MACROD2: variants seen among roughly 807,000 people sequenced by gnomAD.
MACROD2 encodes ADP-ribose glycohydrolase MACROD2.
A neutral mutation model predicts 70.4 loss-of-function variants in MACROD2; 36 were observed. That is an observed-to-expected ratio of 0.51 (90% confidence interval 0.39 to 0.68). The LOEUF (loss-of-function observed/expected upper bound fraction) is 0.68. Ranked by LOEUF, MACROD2 falls within the 30% of genes least tolerant of loss-of-function variation. The pLI is 0.00. For synonymous variants in MACROD2, 172 were observed against 178.8 expected (o/e 0.96, Z 0.30); for missense variants, 496 against 538.4 (o/e 0.92, Z 0.78).
At chr20:15,330,601 C>A (rs1328835470) in intron 6 of MACROD2, among the ~76,000 whole-genome samples, 2 of 151,526 alleles carry the variant, frequency 1.3e-5, no homozygotes, top group Non-Finnish European at 2.9e-5. Context: ...TTTCTAGTAA[C>A]CCAAACTGAT....
chr20:14,751,043 C>T lies in MACROD2; in HGVS notation c.418+66084C>T, dbSNP rs566926632. 4.3e-4 allele frequency among the ~76,000 whole-genome samples: 65 copies of T among 152,130 alleles called. 1 individual carries two copies. Among genetic ancestry groups the T allele is most frequent in the African/African-American group, 1.4e-3 (57 of 41,458 alleles). ...TCTTATATTATTATAGATCTTATAT[C>T]GCTTATATAACTAAAGAGTACATTC... On this transcript the variant is annotated intron_variant, in intron 5 of 17. Coordinates refer to ENST00000684519, the MANE Select transcript of MACROD2 (RefSeq NM_001351661.2).
Position 15,243,711 on chromosome 20 carries a change from C to T in MACROD2, c.540+13650C>T, listed in dbSNP as rs377668992. Among the ~76,000 whole-genome samples the T allele has an allele frequency of 1.4e-4, 21 of 151,722 alleles. No homozygotes were observed. In the East Asian group the frequency reaches 2.1e-3, roughly 15 times the overall value. ...CGGGCAAATCACGAGGTCAGGAGAT[C>T]GAGACCATCCTGGCTAACACGGTGA... On this transcript the variant is annotated intron_variant, in intron 6 of 17. Coordinates refer to ENST00000684519, the MANE Select transcript of MACROD2 (RefSeq NM_001351661.2).
chr20:14,346,531 T>C (rs2083066037), intron 3 of MACROD2, among the ~76,000 whole-genome samples: 1 of 152,246 alleles, frequency 6.6e-6, no homozygotes, highest in African/African-American at 2.4e-5. Flanking sequence ...TTATGTGTAT[T>C]CTAACAAAAA....
At chr20:14,571,147 C>T (rs1362956813) in intron 4 of MACROD2, among the ~76,000 whole-genome samples, 1 of 152,018 alleles carries the variant, frequency 6.6e-6, no homozygotes. Flanking sequence ...CAGATGTACA[C>T]CTTGAGAAAG....
chr20:15,134,194 C>T (rs1240420788), intron 5 of MACROD2, among the ~76,000 whole-genome samples: 6 of 147,342 alleles, frequency 4.1e-5, no homozygotes, highest in East Asian at 2.1e-4. Context: ...CGTGAGCCAC[C>T]GTGCCCGGCT....
intron 3 of MACROD2, among the ~76,000 whole-genome samples, chr20:14,449,990 G>A (rs1018431908): frequency 6.6e-6 from 1 of 152,046 alleles, no homozygotes; most frequent in African/African-American, 2.4e-5. Flanking sequence ...AGAAGCCCTG[G>A]AAAGACTGAA....
chr20:14,411,751 G>A (rs1003123494), intron 3 of MACROD2, among the ~76,000 whole-genome samples: 5 of 151,962 alleles, frequency 3.3e-5, no homozygotes, highest in African/African-American at 9.7e-5. Context: ...CCCCCTACCA[G>A]CACCTCCCTG....
intron 15 of MACROD2, among the ~76,000 whole-genome samples, chr20:16,008,813 G>A (rs966157068): frequency 1.5e-4 from 23 of 152,160 alleles, no homozygotes; most frequent in African/African-American, 5.3e-4. Context: ...AGAAACCTAA[G>A]AACTACAGGA....
intron 6 of MACROD2, among the ~76,000 whole-genome samples, chr20:15,337,963 C>T (rs1025412860): frequency 5.3e-5 from 8 of 151,716 alleles, no homozygotes; most frequent in African/African-American, 9.7e-5. Flanking sequence ...TTACATTTCA[C>T]GTTAGCCTTT....
intron 2 of MACROD2, among the ~76,000 whole-genome samples, chr20:14,025,002 G>A (rs2053141495): frequency 1.3e-5 from 2 of 151,960 alleles, no homozygotes; most frequent in Non-Finnish European, 2.9e-5. Flanking sequence ...TCTGGTCCTG[G>A]GCTTTTTTTG....
At chr20:14,663,007 A>G (rs1986299615) in intron 4 of MACROD2, among the ~76,000 whole-genome samples, 1 of 152,070 alleles carries the variant, frequency 6.6e-6, no homozygotes. Context: ...AATATAAATC[A>G]TTCTTTTATG....
chr20:15,596,923 G>A (rs1400116490), intron 8 of MACROD2, among the ~76,000 whole-genome samples: 1 of 152,206 alleles, frequency 6.6e-6, no homozygotes, highest in Non-Finnish European at 1.5e-5. Context: ...TTAATAGGAT[G>A]TTAAAATGTG....
Position 14,487,859 on chromosome 20 carries a change from T to C in MACROD2, c.272-5620T>C, listed in dbSNP as rs116701614. Among the ~76,000 whole-genome samples, 945 of 152,286 alleles carry C rather than the reference T, an allele frequency of 6.2e-3. 18 individuals are homozygous for C. The highest frequency in any genetic ancestry group is 0.021 in the African/African-American group (889 of 41,572). ...TTATTTTTTGGCCTATTTGTTTAAATAAAAGTGTAATATAAAAATTGTAAT... is the reference window on the plus strand; with the variant it reads ...TTATTTTTTGGCCTATTTGTTTAAACAAAAGTGTAATATAAAAATTGTAAT... On this transcript the variant is annotated intron_variant, in intron 3 of 17. Coordinates refer to ENST00000684519, the MANE Select transcript of MACROD2 (RefSeq NM_001351661.2).
intron 15 of MACROD2, among the ~76,000 whole-genome samples, chr20:16,026,010 G>T (rs1391254243): frequency 1.3e-5 from 2 of 151,452 alleles, no homozygotes; most frequent in African/African-American, 4.8e-5. Context: ...AAAATTAGCT[G>T]GGCGTGGTGG....
chr20:15,341,246 A>G (rs1351286470), intron 6 of MACROD2, among the ~76,000 whole-genome samples: 1 of 152,208 alleles, frequency 6.6e-6, no homozygotes, highest in Non-Finnish European at 1.5e-5. Flanking sequence ...TGCTCTTTGT[A>G]ACTTTTTTTT....
At chr20:15,848,858 C>G (rs2064264819) in intron 8 of MACROD2, among the ~76,000 whole-genome samples, 1 of 152,136 alleles carries the variant, frequency 6.6e-6, no homozygotes, top group African/African-American at 2.4e-5. Context: ...GACCTTTTCT[C>G]ATATCCTCCA....
chr20:14,807,762 A>T (rs200498874), intron 5 of MACROD2, among the ~76,000 whole-genome samples: 1 of 152,124 alleles, frequency 6.6e-6, no homozygotes, highest in Non-Finnish European at 1.5e-5. Context: ...CCTGATGGAG[A>T]TGAAAAACAC....
rs143677503 is a variant in MACROD2 at position 15,615,773 on chromosome 20, G to A, written c.645+115926G>A. ...TCCCTGCCACTGCCAGATGACAGTT[G>A]CAAAATTAGAAATCGGACTCGGGGA... On this transcript the variant is annotated intron_variant, in intron 8 of 17. Transcript: ENST00000684519. Among the ~76,000 whole-genome samples, 458 of 152,248 alleles carry A rather than the reference G, an allele frequency of 3.0e-3. 4 individuals are homozygous for A. Among genetic ancestry groups the A allele is most frequent in the African/African-American group, 0.01 (436 of 41,550 alleles).
intron 5 of MACROD2, among the ~76,000 whole-genome samples, chr20:15,034,689 A>G (rs1458641895): frequency 1.3e-5 from 2 of 152,228 alleles, no homozygotes; most frequent in East Asian, 1.9e-4. Flanking sequence ...AAAAAAATAA[A>G]TACTCATAGG....
Sources: allele counts gnomAD v4.1 joint callset (sites outside exome capture counted in the v4.1 genomes callset), GRCh38; gene constraint gnomAD v4.1.1; transcripts MANE v1.5; gene names NCBI Gene and HGNC (gene_info 2026-07-23, HGNC 2026-07-21).